LAMA4: variants seen among roughly 807,000 people sequenced by gnomAD.
LAMA4 encodes laminin subunit alpha-4.
Under a neutral mutation model 207.1 loss-of-function variants are expected in LAMA4, and 127 were observed. The observed-to-expected ratio is 0.61, with a 90% confidence interval of 0.53 to 0.71. The LOEUF (loss-of-function observed/expected upper bound fraction) is 0.71, where lower values mean the gene tolerates loss of function less well. Among genes scored for constraint, LAMA4 ranks in the 30% least tolerant of loss-of-function variants. The pLI is 0.00. For missense variants in LAMA4, 2,093 were observed against 2,246.5 expected, an observed-to-expected ratio of 0.93 and a Z score of 1.38; for synonymous variants, 761 against 816.0, an observed-to-expected ratio of 0.93 and a Z score of 1.15.
At chr6:112,238,706 A>T (rs183156266) in intron 2 of LAMA4, among the ~76,000 whole-genome samples, 12 of 152,138 alleles carry the variant, frequency 7.9e-5, no homozygotes, top group Middle Eastern at 3.4e-3. Context: ...GACTCTGTCT[A>T]CAAATAAATA....
At chr6:112,183,166 C>T (rs1562704401) in intron 9 of LAMA4, among the ~76,000 whole-genome samples, 3 of 152,178 alleles carry the variant, frequency 2.0e-5, no homozygotes, top group African/African-American at 4.8e-5. Flanking sequence ...CAATGAACTC[C>T]TTTACTCTAT....
chr6:112,204,126 T>C (rs1414480751), intron 4 of LAMA4, among the ~76,000 whole-genome samples: 1 of 152,206 alleles, frequency 6.6e-6, no homozygotes, highest in Non-Finnish European at 1.5e-5. Context: ...TCATTTGCTC[T>C]AGGAGTTTCA....
chr6:112,146,406 G>A (rs1554334533), intron 18 of LAMA4, among the ~76,000 whole-genome samples: 1 of 152,078 alleles, frequency 6.6e-6, no homozygotes, highest in African/African-American at 2.4e-5. Flanking sequence ...TTAAAGTGTG[G>A]TTCCCAGACA....
At chr6:112,208,168 A>G (rs1201729742) in intron 3 of LAMA4, among the ~76,000 whole-genome samples, 4 of 149,636 alleles carry the variant, frequency 2.7e-5, no homozygotes, top group African/African-American at 5.0e-5. Flanking sequence ...GAAAAATTAT[A>G]CTGTTAGAAT....
intron 13 of LAMA4, among the ~76,000 whole-genome samples, chr6:112,163,394 A>T (rs1441351864): frequency 1.3e-5 from 2 of 152,140 alleles, no homozygotes; most frequent in African/African-American, 2.4e-5. Flanking sequence ...TGGCCTGCAG[A>T]GCCTAAAATA....
chr6:112,146,896 A>G (rs1399742397), intron 18 of LAMA4, among the ~76,000 whole-genome samples: 2 of 152,202 alleles, frequency 1.3e-5, no homozygotes, highest in African/African-American at 4.8e-5. Flanking sequence ...AACTAGAGAT[A>G]ATATACTTAA....
At chr6:112,204,041 T>C (rs1554353349) in intron 4 of LAMA4, among the ~76,000 whole-genome samples, 1 of 152,196 alleles carries the variant, frequency 6.6e-6, no homozygotes, top group Non-Finnish European at 1.5e-5. Context: ...CTTCATTTCT[T>C]AAAGAGTTAA....
chr6:112,169,153 A>G lies in LAMA4; in HGVS notation c.1551+3458T>C, dbSNP rs191339244. 3.3e-3 allele frequency among the ~76,000 whole-genome samples: 500 copies of G among 152,276 alleles called. 2 individuals are homozygous for G. Among genetic ancestry groups the G allele is most frequent in the Non-Finnish European group, 5.6e-3 (384 of 68,028 alleles). ...TCTATACATTTAGAGATACCTTGAA[A>G]TCGAATCTGGCAGTAATCTCAAGGG... On this transcript the variant is annotated intron_variant, in intron 12 of 38. Transcript: ENST00000230538.
chr6:112,128,791 CT>C, intron 31 of LAMA4, 130 bp downstream of exon 31: 2 of 728,914 alleles, frequency 2.7e-6, no homozygotes, highest in Non-Finnish European at 4.7e-6. Flanking sequence ...ATATGTGATA[CT>C]GCAAGAATCC....
In LAMA4 at chr6:112,133,370, A is replaced by G. The variant is rs782758486; in HGVS notation, c.3675T>C (p.Tyr1225=). The G allele has an allele frequency of 6.2e-7, 1 of 1,613,816 alleles. No individual in the cohort carries two copies. Among genetic ancestry groups the G allele is most frequent in the Non-Finnish European group, 8.5e-7 (1 of 1,179,752 alleles). ...LEQTETLGVG[Y]GCPEDSLISR... ...TTACAAGTGAGTCTTCTGGGCATCC[A>G]TAACCAACTCCCAGGGTTTCTGTCT... Residue 1225 remains tyrosine (Y), a synonymous_variant, in exon 27 of 39, where the codon TAT becomes TAC. Transcript: ENST00000230538.
chr6:112,212,504 T>C (rs2115043942), intron 3 of LAMA4, among the ~76,000 whole-genome samples: 1 of 152,214 alleles, frequency 6.6e-6, no homozygotes, highest in South Asian at 2.1e-4. Context: ...GATTATTGGC[T>C]TGAGCCACCG....
At position 112,148,516 on chromosome 6, in the gene LAMA4, T is replaced by A. The variant is rs73536582; in HGVS notation, c.2174-180A>T. Among the ~76,000 whole-genome samples the A allele has an allele frequency of 0.043, 6,474 of 152,244 alleles. 454 individuals carry two copies. The highest frequency in any genetic ancestry group is 0.15 in the African/African-American group (6,073 of 41,512). ...ACATTTCCAAATTAAGAGGTAAATT[T>A]AAAAAGAAGAGTAATTGTATTTCCT... is the stretch of plus-strand genomic sequence containing the variant. On this transcript the variant is annotated intron_variant, in intron 17 of 38. Coordinates refer to ENST00000230538, the MANE Select transcript of LAMA4 (RefSeq NM_001105206.3).
chr6:112,247,687 A>C (rs1554188932), intron 2 of LAMA4, among the ~76,000 whole-genome samples: 1 of 152,172 alleles, frequency 6.6e-6, no homozygotes, highest in South Asian at 2.1e-4. Flanking sequence ...TAAGACTCCA[A>C]GTCTTAAAAC....
At chr6:112,163,539 G>A (rs1432133508) in intron 13 of LAMA4, among the ~76,000 whole-genome samples, 1 of 152,072 alleles carries the variant, frequency 6.6e-6, no homozygotes, top group Non-Finnish European at 1.5e-5. Flanking sequence ...AGGAGGGAGG[G>A]CTGAGAAAGC....
At chr6:112,136,803 A>T (rs1456718309) in intron 24 of LAMA4, among the ~76,000 whole-genome samples, 4 of 151,982 alleles carry the variant, frequency 2.6e-5, no homozygotes, top group African/African-American at 9.7e-5. Context: ...TTTTCATTCT[A>T]CTTTCTGAAC....
chr6:112,189,548 C>T (rs1345097493), intron 6 of LAMA4, among the ~76,000 whole-genome samples: 2 of 152,246 alleles, frequency 1.3e-5, no homozygotes, highest in East Asian at 1.9e-4. Flanking sequence ...TGACCACGAG[C>T]TCATCATTCA....
chr6:112,208,421 C>A (rs1554355209), intron 3 of LAMA4, among the ~76,000 whole-genome samples: 4 of 152,202 alleles, frequency 2.6e-5, no homozygotes, highest in African/African-American at 9.7e-5. Flanking sequence ...ATTCTCACAA[C>A]AATCCTGAAG....
At chr6:112,177,709 G>A (rs1554344261) in intron 10 of LAMA4, among the ~76,000 whole-genome samples, 3 of 152,198 alleles carry the variant, frequency 2.0e-5, no homozygotes, top group Non-Finnish European at 4.4e-5. Context: ...GCCCATCATA[G>A]AAAGAGCTTG....
chr6:112,158,718 AACCAGGAT>A lies in LAMA4; in HGVS notation c.1817+6_1817+13del, dbSNP rs2114797039. The A allele has an allele frequency of 1.2e-6, 2 of 1,611,010 alleles. No individual in the cohort carries two copies. Among genetic ancestry groups the A allele is most frequent in the Non-Finnish European group, 1.7e-6 (2 of 1,177,332 alleles). On this transcript the variant is annotated splice_donor_region_variant and intron_variant, in intron 14 of 38. Coordinates refer to ENST00000230538, the MANE Select transcript of LAMA4 (RefSeq NM_001105206.3). ...CCCATGTAGATATTTGCATTTCTAA[AACCAGGAT>A]ATTACCTGCTCAATTCATTAGCTTC...
Sources: allele counts gnomAD v4.1 joint callset (sites outside exome capture counted in the v4.1 genomes callset), GRCh38; gene constraint gnomAD v4.1.1; transcripts MANE v1.5; gene names NCBI Gene and HGNC (gene_info 2026-07-23, HGNC 2026-07-21).